LIFR: variants seen among roughly 807,000 people sequenced by gnomAD.
LIFR encodes the protein leukemia inhibitory factor receptor.
In LIFR, 84 loss-of-function variants were observed where a neutral mutation model predicts 122.2. That is an observed-to-expected ratio of 0.69 (90% confidence interval 0.58 to 0.82). The LOEUF is 0.82. Among genes scored for constraint, LIFR ranks in the 40% least tolerant of loss-of-function variants. The pLI, the probability that LIFR is intolerant of heterozygous loss-of-function variation, is 0.00. For synonymous variants in LIFR, 422 were observed against 434.7 expected (o/e 0.97, Z 0.36); for missense variants, 1,294 against 1,311.6 (o/e 0.99, Z 0.21).
At chr5:38,518,907 C>T (rs1236605057) in intron 5 of LIFR, among the ~76,000 whole-genome samples, 1 of 152,066 alleles carries the variant, frequency 6.6e-6, no homozygotes, top group Non-Finnish European at 1.5e-5. Context: ...CCTGGCCCTG[C>T]GTAGGCCTAG....
At chr5:38,593,924 A>G (rs574402694) in intron 1 of LIFR, among the ~76,000 whole-genome samples, 1 of 152,190 alleles carries the variant, frequency 6.6e-6, no homozygotes, top group East Asian at 1.9e-4. Context: ...GAAATAAATG[A>G]TTTTTGTTTA....
At position 38,510,462 on chromosome 5, in the gene LIFR, A is replaced by G. The variant is rs2112491551; in HGVS notation, c.991+2T>C. ...ATTCTCTCTTTAAAATCATATACTT[A>G]CATCCAGCAAAAATAACGGTTCCAA... On this transcript the variant is annotated splice_donor_variant, in intron 7 of 19. Coordinates refer to ENST00000453190, the MANE Select transcript of LIFR (RefSeq NM_001127671.2). LOFTEE classifies it high-confidence loss of function. The G allele has an allele frequency of 1.9e-6, 3 of 1,612,906 alleles. No homozygotes were observed. Among genetic ancestry groups the G allele is most frequent in the Non-Finnish European group, 2.5e-6 (3 of 1,179,646 alleles).
chr5:38,533,395 A>T (rs1046230323), intron 1 of LIFR, among the ~76,000 whole-genome samples: 2 of 152,222 alleles, frequency 1.3e-5, no homozygotes, highest in Admixed American at 6.5e-5. Flanking sequence ...ATCATAAAGC[A>T]CAGGCAGAAC....
Position 38,479,167 on chromosome 5 carries a change from G to T in LIFR, c.*2428C>A, listed in dbSNP as rs1743860377. The T allele has an allele frequency of 4.3e-6, 1 of 231,814 alleles. No individual in the cohort carries two copies. Among genetic ancestry groups the T allele is most frequent in the Admixed American group, 5.6e-5 (1 of 17,734 alleles). 14.4% of individuals were successfully genotyped at this position (231,814 alleles called of 1,614,324 possible). On this transcript the variant is annotated 3_prime_UTR_variant, in exon 20 of 20. Coordinates refer to ENST00000453190, the MANE Select transcript of LIFR (RefSeq NM_001127671.2). ...GTAATATCCTGGGATCTACACAAGGGTCTAGCTGTCTTGAATTCAATGAGG... is the reference window on the plus strand; with the variant it reads ...GTAATATCCTGGGATCTACACAAGGTTCTAGCTGTCTTGAATTCAATGAGG...
intron 7 of LIFR, among the ~76,000 whole-genome samples, chr5:38,509,819 A>G (rs1745699194): frequency 6.6e-6 from 1 of 152,224 alleles, no homozygotes; most frequent in Non-Finnish European, 1.5e-5. Context: ...GTGGACATTC[A>G]ACACAAGCCA....
upstream of LIFR, among the ~76,000 whole-genome samples, chr5:38,559,873 AATTT>A (rs1748766628): frequency 6.6e-6 from 1 of 152,194 alleles, no homozygotes; most frequent in African/African-American, 2.4e-5. Context: ...TTGTTTTGAT[AATTT>A]ATTTTCTTTT....
Position 38,479,456 on chromosome 5 carries a change from G to GT in LIFR, c.*2138dup, listed in dbSNP as rs141563662. 733 of 230,566 alleles carry GT rather than the reference G, an allele frequency of 3.2e-3. 1 individual carries two copies. The highest frequency in any genetic ancestry group is 0.019 in the Middle Eastern group (15 of 776). The allele number at this position is 230,566 out of a possible 1,614,324, so 14.3% of individuals were successfully genotyped here. A position where few individuals can be genotyped will look rare whatever the true frequency, so the allele number is the denominator to read the frequency against. ...TCATCATTAACCAAACAAATGAGTC[G>GT]TTATATAGGTTAGAAAGGGCCCTGG... On this transcript the variant is annotated 3_prime_UTR_variant, in exon 20 of 20. Transcript: ENST00000453190.
At chr5:38,592,757 C>T (rs1226831046) in intron 1 of LIFR, among the ~76,000 whole-genome samples, 1 of 151,100 alleles carries the variant, frequency 6.6e-6, no homozygotes, top group Non-Finnish European at 1.5e-5. Context: ...TAAACTAATA[C>T]TTTTAAAACT....
rs191019863 is a variant in LIFR, at chr5:38,475,864, T to C, written c.*5731A>G. The stretch of plus-strand genomic sequence containing the variant: ...TCAACATACTTTTAAGATGGTACTA[T>C]CTTAAATCTAGGATGTCTATCTATC... On this transcript the variant is annotated 3_prime_UTR_variant, in exon 20 of 20. Coordinates refer to ENST00000453190, the MANE Select transcript of LIFR (RefSeq NM_001127671.2). 8.4e-5 allele frequency: 16 copies of C among 189,852 alleles called. No individual in the cohort carries two copies. In the East Asian group the frequency reaches 1.3e-3, roughly 15 times the overall value. 11.8% of individuals were successfully genotyped at this position (189,852 alleles called of 1,614,324 possible).
intron 16 of LIFR, 129 bp from the exon 17 acceptor site, chr5:38,486,109 A>G: frequency 2.5e-6 from 2 of 790,628 alleles, no homozygotes; most frequent in Non-Finnish European, 4.3e-6. Context: ...AGGACTCTGG[A>G]GCTGCCACTA....
chr5:38,605,177 C>G (rs1399624692), intron 2 of LIFR, among the ~76,000 whole-genome samples: 1 of 152,094 alleles, frequency 6.6e-6, no homozygotes, highest in East Asian at 1.9e-4. Context: ...CACTTTACAT[C>G]ATGGCCTGAA....
At chr5:38,483,783 A>G (rs1744126141) in intron 18 of LIFR, among the ~76,000 whole-genome samples, 1 of 152,232 alleles carries the variant, frequency 6.6e-6, no homozygotes, top group Non-Finnish European at 1.5e-5. Flanking sequence ...TTACCAAAAT[A>G]GACTATTCTA....
intron 16 of LIFR, among the ~76,000 whole-genome samples, chr5:38,488,320 T>C (rs1279964912): frequency 6.6e-6 from 1 of 152,206 alleles, no homozygotes; most frequent in Non-Finnish European, 1.5e-5. Context: ...AGCACTGCCA[T>C]ACCGTGGTGG....
rs575886769 is a variant in LIFR, at chr5:38,542,018, C to T, written c.-19-11352G>A. Among the ~76,000 whole-genome samples the T allele has an allele frequency of 2.6e-3, 391 of 152,206 alleles. 3 individuals are homozygous for T. The highest frequency in any genetic ancestry group is 3.4e-3 in the Non-Finnish European group (234 of 68,004). On this transcript the variant is annotated intron_variant, in intron 1 of 19. Transcript: ENST00000453190. ...CACATAATGTCTAAAATCGTGTCCT[C>T]CAGTGGTATTAAAATTGGAGGATTC... is the stretch of plus-strand genomic sequence containing the variant.
At position 38,489,128 on chromosome 5, in the gene LIFR, TA is replaced by T; in HGVS notation, c.2284del (p.Tyr762ThrfsTer12). The T allele has an allele frequency of 6.2e-7, 1 of 1,613,050 alleles. No individual in the cohort carries two copies. Among genetic ancestry groups the T allele is most frequent in the South Asian group, 1.1e-5 (1 of 91,054 alleles). ...LRGFLRGYLF[Y>X]FGKGERDTSK... ...TGTGTCTCTTTCTCCTTTTCCAAAG[TA>T]AAACAAATATCCTCTTAAAAAGCCT... is the stretch of plus-strand genomic sequence containing the variant. On this transcript the variant is annotated frameshift_variant, in exon 16 of 20. Transcript: ENST00000453190. LOFTEE classifies it high-confidence loss of function.
At chr5:38,506,998 T>C (rs1223260354) in intron 7 of LIFR, among the ~76,000 whole-genome samples, 2 of 152,168 alleles carry the variant, frequency 1.3e-5, no homozygotes, top group African/African-American at 4.8e-5. Flanking sequence ...TTAAAAGTAT[T>C]ATCATCTATC....
At chr5:38,488,973 T>G in intron 16 of LIFR, 105 bp downstream of exon 16, 1 of 879,362 alleles carries the variant, frequency 1.1e-6, no homozygotes, top group Non-Finnish European at 1.8e-6. Flanking sequence ...TCAGATAGTT[T>G]TGAAAACCAG....
rs1745495318 is a variant in LIFR at position 38,506,551 on chromosome 5, A to C, written c.1073T>G (p.Val358Gly). 1 of 1,613,862 alleles carries C rather than the reference A, an allele frequency of 6.2e-7. No homozygotes were observed. Among genetic ancestry groups the C allele is most frequent in the African/African-American group, 1.3e-5 (1 of 74,890 alleles). ...EIICSWNPGR[V>G]TALVGPRATS... is the part of the protein sequence containing the mutation. ...AGCACGTGGGCCCACCAACGCTGTC[A>C]CCCTTCCTGGATTCCAACTACATAT... The change falls in exon 8 of 20, where the codon GTG becomes GGG. Residue 358 changes from valine (V) to glycine (G), a missense_variant. Val to Gly is a moderately radical substitution (Grantham distance 109). Transcript: ENST00000453190.
intron 1 of LIFR, among the ~76,000 whole-genome samples, chr5:38,533,318 C>T (rs1283999532): frequency 3.3e-5 from 5 of 152,190 alleles, no homozygotes; most frequent in African/African-American, 1.2e-4. Context: ...ATCTGTAAGA[C>T]TGTTGAATGG....
Sources: allele counts gnomAD v4.1 joint callset (sites outside exome capture counted in the v4.1 genomes callset), GRCh38; gene constraint gnomAD v4.1.1; transcripts MANE v1.5; gene names NCBI Gene and HGNC (gene_info 2026-07-23, HGNC 2026-07-21).